The following CARMIL3 variants were observed in gnomAD, a reference collection of about 807,000 sequenced individuals.
CARMIL3 encodes capping protein regulator and myosin 1 linker 3.
Under a neutral mutation model 180.8 loss-of-function variants are expected in CARMIL3, and 88 were observed. That is an observed-to-expected ratio of 0.49 (90% CI 0.41 to 0.58). The LOEUF is 0.58. Ranked by LOEUF, CARMIL3 falls within the 20% of genes least tolerant of loss-of-function variation. The pLI is 0.00. For synonymous variants in CARMIL3, 696 were observed against 714.5 expected, an observed-to-expected ratio of 0.97 and a Z score of 0.41; for missense variants, 1,548 against 1,787.0, an observed-to-expected ratio of 0.87 and a Z score of 2.41.
chr14:24,069,394 G>A lies in CARMIL3; in HGVS notation c.4109G>A (p.Gly1370Glu), dbSNP rs1245738662. The change falls in exon 40 of 40, where the codon GGA (glycine) becomes GAA (glutamate). Residue 1370 changes from glycine to glutamate, a missense_variant. Transcript: ENST00000342740. The stretch of plus-strand genomic sequence containing the variant: ...TCCCCAGCAGGAACCAGTGAGCCAG[G>A]AACAGACTGACAACTGCCACAACAC... ...PPDPTGTSEP[G>E]TD 6.2e-7 allele frequency: 1 copy of A among 1,614,126 alleles called. No individual in the cohort carries two copies. The highest frequency in any genetic ancestry group is 1.1e-5 in the South Asian group (1 of 91,088).
In CARMIL3 at chr14:24,068,814, C is replaced by G; in HGVS notation, c.3830C>G (p.Pro1277Arg). 1 of 1,613,910 alleles carries G rather than the reference C, an allele frequency of 6.2e-7. No individual in the cohort carries two copies. The highest frequency in any genetic ancestry group is 8.5e-7 in the Non-Finnish European group (1 of 1,180,016). Residue 1277 changes from proline (P) to arginine (R), a missense_variant, in exon 38 of 40, where the codon CCT becomes CGT. Pro to Arg is a moderately radical substitution (Grantham distance 103). Transcript: ENST00000342740. ...CAGGACCCCGCTCTAGCTCCATGGC[C>G]TCCCAAGCCAGTGGCTGTGCCCAGG... ...KLQDPALAPWPPKPVAVPRGR... is the reference protein window; with the variant it reads ...KLQDPALAPWRPKPVAVPRGR...
intron 8 of CARMIL3, 74 bp downstream of exon 8, chr14:24,055,384 C>T (rs1353404061): frequency 2.6e-6 from 4 of 1,541,930 alleles, no homozygotes; most frequent in Non-Finnish European, 3.6e-6. Flanking sequence ...CCAGGAGTGC[C>T]CTTCTGGTCC....
Position 24,055,719 on chromosome 14 carries a change from C to T in CARMIL3, c.700C>T (p.Gln234Ter). The change falls in exon 10 of 40, where the codon CAG becomes TAG. Residue 234 changes from glutamine (Q) to a stop codon, truncating the protein, a stop_gained. Transcript: ENST00000342740. LOFTEE classifies it high-confidence loss of function. ...TCCTCAGGGCTCTGAAGTGCTAGAA[C>T]AGGTGCTACATACCCTAAGCAAGTC... Reference protein sequence around the residue: ...DLRLGSEVLEQVLHTLSKSGS... With the variant: ...DLRLGSEVLE 1.2e-6 allele frequency: 2 copies of T among 1,614,144 alleles called. No individual in the cohort carries two copies. The highest frequency in any genetic ancestry group is 1.7e-6 in the Non-Finnish European group (2 of 1,180,012).
chr14:24,058,293 C>A lies in CARMIL3; in HGVS notation c.1392+69C>A, dbSNP rs998659876. ...GTGCATTTCTCAGACCTAAGTCAAA[C>A]CCTGGCTCCATCTAGCCTCTGTGCT... On this transcript the variant is annotated intron_variant, in intron 17 of 39. Coordinates refer to ENST00000342740, the MANE Select transcript of CARMIL3 (RefSeq NM_138360.4). This position sits in a 1 kb window ranked among gnomAD's most constrained non-coding sequence, Gnocchi z 6.4. 1 of 1,521,294 alleles carries A rather than the reference C, an allele frequency of 6.6e-7. No homozygotes were observed. The highest frequency in any genetic ancestry group is 1.9e-5 in the Admixed American group (1 of 51,980). The allele number at this position is 1,521,294 out of a possible 1,614,324, so 94.2% of individuals were successfully genotyped here.
Position 24,065,107 on chromosome 14 carries a change from T to C in CARMIL3, c.3230T>C (p.Leu1077Pro), listed in dbSNP as rs570190492. ...GGGCCGGGGTCCCCTACCACTGGACTCCTCCTCCCTCCACCCCCACCCCCT... is the reference window on the plus strand; with the variant it reads ...GGGCCGGGGTCCCCTACCACTGGACCCCTCCTCCCTCCACCCCCACCCCCT... ...DRGPGSPTTGLLLPPPPPPPP... is the reference protein window; with the variant it reads ...DRGPGSPTTGPLLPPPPPPPP... The change falls in exon 33 of 40, where the codon CTC becomes CCC. Residue 1077 changes from leucine to proline, a missense_variant. Coordinates refer to ENST00000342740, the MANE Select transcript of CARMIL3 (RefSeq NM_138360.4). The C allele has an allele frequency of 6.5e-7, 1 of 1,534,018 alleles. No individual in the cohort carries two copies. Among genetic ancestry groups the C allele is most frequent in the Admixed American group, 2.1e-5 (1 of 48,546 alleles).
Position 24,053,590 on chromosome 14 carries a change from GTC to G in CARMIL3, c.41-113_41-112del, listed in dbSNP as rs1446296535. On this transcript the variant is annotated intron_variant, in intron 1 of 39. Coordinates refer to ENST00000342740, the MANE Select transcript of CARMIL3 (RefSeq NM_138360.4). ...CCTCTGTCCCTGTCCTCCCTTCTTT[GTC>G]TCTCTGTTTCTCTCTTATCCCATTT... 7 of 682,006 alleles carry G rather than the reference GTC, an allele frequency of 1.0e-5. No homozygotes were observed. In the Admixed American group the frequency reaches 1.5e-4, roughly 15 times the overall value. 42.2% of individuals were successfully genotyped at this position (682,006 alleles called of 1,614,324 possible).
rs910846265 is a variant in CARMIL3 at position 24,061,192 on chromosome 14, T to C, written c.2304+152T>C. The C allele has an allele frequency of 2.9e-6, 2 of 682,838 alleles. No individual in the cohort carries two copies. Among genetic ancestry groups the C allele is most frequent in the African/African-American group, 1.8e-5 (1 of 55,366 alleles). The allele number at this position is 682,838 out of a possible 1,614,324, so 42.3% of individuals were successfully genotyped here. On this transcript the variant is annotated intron_variant, in intron 26 of 39. Coordinates refer to ENST00000342740, the MANE Select transcript of CARMIL3 (RefSeq NM_138360.4). This position sits in a 1 kb window ranked among gnomAD's most constrained non-coding sequence, Gnocchi z 4.1. ...CCACGCTCCCACTGTACCAAGGCAT[T>C]GCTGCAATATCAGGCTTGGATTTTT...
chr14:24,062,866 C>A lies in CARMIL3; in HGVS notation c.2706+20C>A. 1 of 1,590,802 alleles carries A rather than the reference C, an allele frequency of 6.3e-7. No individual in the cohort carries two copies. Among genetic ancestry groups the A allele is most frequent in the African/African-American group, 1.3e-5 (1 of 74,482 alleles). On this transcript the variant is annotated intron_variant, in intron 29 of 39. Coordinates refer to ENST00000342740, the MANE Select transcript of CARMIL3 (RefSeq NM_138360.4). ...AACATTGTGAGCCCCCCGCTCCCTG[C>A]TCCTCCTTAATAACCTGGGCCCTGC...
chr14:24,060,929 G>A lies in CARMIL3; in HGVS notation c.2193G>A (p.Leu731=), dbSNP rs1289853552. The A allele has an allele frequency of 2.6e-6, 4 of 1,551,486 alleles. No individual in the cohort carries two copies. The highest frequency in any genetic ancestry group is 2.7e-5 in the African/African-American group (2 of 73,044). The change falls in exon 26 of 40, where the codon CTG becomes CTA. Residue 731 remains leucine, a splice_region_variant and synonymous_variant. Coordinates refer to ENST00000342740, the MANE Select transcript of CARMIL3 (RefSeq NM_138360.4). ...ATCATAACCCCTTCCTTCTCCAGCT[G>A]TTTCCCAGCCTCTATGAGCTGGGCC... ...LIKDAKNSRA[L]FPSLYELGHV... is the part of the protein sequence containing the mutation.
chr14:24,059,317 C>A lies in CARMIL3; in HGVS notation c.1674C>A (p.Thr558=), dbSNP rs1440034676. Residue 558 remains threonine, a synonymous_variant, in exon 21 of 40, where the codon ACC becomes ACA. Coordinates refer to ENST00000342740, the MANE Select transcript of CARMIL3 (RefSeq NM_138360.4). The surrounding 1 kb of genome is among the most constrained non-coding windows in gnomAD (Gnocchi z 6.3). ...SVADSRLKLR[T]SILINALGSN... is the part of the protein sequence containing the mutation. ...CAGACTCCCGGCTGAAGCTTCGCAC[C>A]AGCATCCTCATCAATGCCCTGGGCA... 2 of 1,613,984 alleles carry A rather than the reference C, an allele frequency of 1.2e-6. No homozygotes were observed. The highest frequency in any genetic ancestry group is 8.5e-7 in the Non-Finnish European group (1 of 1,180,034).
rs1301719471 is a variant in CARMIL3, at chr14:24,063,506, C to G, written c.2952C>G (p.Thr984=). ...QTQGRPRPPR[T]TPPGPGRPSM... ...AAGGGAGGCCCCGCCCCCCCAGGAC[C>G]ACACCTCCAGGACCTGGTCGACCCA... Residue 984 remains threonine (T), a synonymous_variant, in exon 31 of 40, where the codon ACC becomes ACG. Coordinates refer to ENST00000342740, the MANE Select transcript of CARMIL3 (RefSeq NM_138360.4). 2 of 1,612,860 alleles carry G rather than the reference C, an allele frequency of 1.2e-6. No individual in the cohort carries two copies. The highest frequency in any genetic ancestry group is 2.7e-5 in the African/African-American group (2 of 74,924).
Position 24,068,718 on chromosome 14 carries a change from A to G in CARMIL3, c.3801+16A>G. The G allele has an allele frequency of 1.2e-6, 2 of 1,613,390 alleles. No homozygotes were observed. The highest frequency in any genetic ancestry group is 1.7e-6 in the Non-Finnish European group (2 of 1,179,614). On this transcript the variant is annotated intron_variant, in intron 37 of 39. Coordinates refer to ENST00000342740, the MANE Select transcript of CARMIL3 (RefSeq NM_138360.4). The stretch of plus-strand genomic sequence containing the variant: ...GAATGCCAAGGTGAGAGCTGGCAAG[A>G]TGGGTGGGGGAGGCACTTTGATGAG...
Position 24,055,728 on chromosome 14 carries a change from C to T in CARMIL3, c.709C>T (p.His237Tyr), listed in dbSNP as rs1399285349. The T allele has an allele frequency of 6.2e-7, 1 of 1,614,160 alleles. No individual in the cohort carries two copies. The highest frequency in any genetic ancestry group is 2.2e-5 in the East Asian group (1 of 44,876). Residue 237 changes from histidine to tyrosine, a missense_variant, in exon 10 of 40, where the codon CAT (histidine) becomes TAT (tyrosine). His to Tyr is a moderately conservative substitution (Grantham distance 83, BLOSUM62 2). Transcript: ENST00000342740. Reference protein sequence around the residue: ...LGSEVLEQVLHTLSKSGSLEE... With the variant: ...LGSEVLEQVLYTLSKSGSLEE... ...CTCTGAAGTGCTAGAACAGGTGCTA[C>T]ATACCCTAAGCAAGTCGGGGAGCCT...
Position 24,059,206 on chromosome 14 carries a change from G to A in CARMIL3, c.1626+17G>A. The A allele has an allele frequency of 6.2e-7, 1 of 1,613,668 alleles. No individual in the cohort carries two copies. Among genetic ancestry groups the A allele is most frequent in the Non-Finnish European group, 8.5e-7 (1 of 1,179,896 alleles). Reference sequence around the variant, plus strand: ...GAGGACTGTGTGAGTGCCTGGGCCTGGGAGGGGACCTGCAGTCGGAGGAGG... The same window carrying A: ...GAGGACTGTGTGAGTGCCTGGGCCTAGGAGGGGACCTGCAGTCGGAGGAGG... On this transcript the variant is annotated intron_variant, in intron 20 of 39. Coordinates refer to ENST00000342740, the MANE Select transcript of CARMIL3 (RefSeq NM_138360.4). This position sits in a 1 kb window ranked among gnomAD's most constrained non-coding sequence, Gnocchi z 6.3.
At chr14:24,068,527 GA>G in intron 36 of CARMIL3, 56 bp from the exon 37 acceptor site, 1 of 1,484,740 alleles carries the variant, frequency 6.7e-7, no homozygotes, top group East Asian at 2.3e-5. Context: ...AGGAGACAGG[GA>G]CAGGAGCTAT....
Position 24,056,360 on chromosome 14 carries a change from C to G in CARMIL3, c.832C>G (p.Leu278Val). The G allele has an allele frequency of 6.2e-7, 1 of 1,613,916 alleles. No individual in the cohort carries two copies. Among genetic ancestry groups the G allele is most frequent in the Non-Finnish European group, 8.5e-7 (1 of 1,179,878 alleles). ...GAACGGGAGCTGTGTGCTGCATGCC[C>G]TCACTCTGTCCCACAACCCCATCGA... ...GENGSCVLHA[L>V]TLSHNPIEDK... Residue 278 changes from leucine to valine, a missense_variant, in exon 11 of 40, where the codon CTC becomes GTC. Physicochemically the swap from Leu to Val is conservative, Grantham distance 32. Coordinates refer to ENST00000342740, the MANE Select transcript of CARMIL3 (RefSeq NM_138360.4).
rs781684401 is a variant in CARMIL3 at position 24,055,688 on chromosome 14, C to A, written c.682-13C>A. On this transcript the variant is annotated splice_polypyrimidine_tract_variant and intron_variant, in intron 9 of 39. Coordinates refer to ENST00000342740, the MANE Select transcript of CARMIL3 (RefSeq NM_138360.4). Reference sequence around the variant, plus strand: ...CCTTGGCCCCTGATCACAAGACCCCCCTCTGTCCTCAGGGCTCTGAAGTGC... The same window carrying A: ...CCTTGGCCCCTGATCACAAGACCCCACTCTGTCCTCAGGGCTCTGAAGTGC... 1 of 1,614,078 alleles carries A rather than the reference C, an allele frequency of 6.2e-7. No homozygotes were observed. The highest frequency in any genetic ancestry group is 8.5e-7 in the Non-Finnish European group (1 of 1,179,972).
At position 24,059,160 on chromosome 14, in the gene CARMIL3, CT is replaced by C; in HGVS notation, c.1598del (p.Leu533ArgfsTer4). 3 of 1,609,756 alleles carry C rather than the reference CT, an allele frequency of 1.9e-6. No homozygotes were observed. The highest frequency in any genetic ancestry group is 2.5e-6 in the Non-Finnish European group (3 of 1,178,384). On this transcript the variant is annotated frameshift_variant, in exon 20 of 40. Transcript: ENST00000342740. LOFTEE classifies it high-confidence loss of function. The surrounding 1 kb of genome is among the most constrained non-coding windows in gnomAD (Gnocchi z 6.3). ...GACCCTGGAGGAGATCCTCCACAAG[CT>C]GGTGCAGCTGATCCAGGAAGAGGAC... ...AKTLEEILHK[L>X]VQLIQEEDCS... is the part of the protein sequence containing the mutation.
At chr14:24,053,563 GC>G in intron 1 of CARMIL3, 145 bp from the exon 2 acceptor site, 1 of 573,810 alleles carries the variant, frequency 1.7e-6, no homozygotes. Context: ...AAGAAGGAAT[GC>G]CCTCTGTCCC....
Sources: gnomAD v4.1 joint callset for allele counts on GRCh38, gnomAD v4.1.1 for gene constraint, Gnocchi (gnomAD v3.1) non-coding constraint, MANE v1.5 for transcripts, NCBI Gene and HGNC (gene_info 2026-07-23, HGNC 2026-07-21) for gene names.